The following CALD1 variants were observed in gnomAD, a reference collection of about 807,000 sequenced individuals.
The protein encoded by CALD1 is caldesmon 1, also known as caldesmon.
CALD1 carries 33 observed loss-of-function variants against 99.9 expected under a neutral mutation model. The observed-to-expected ratio is 0.33, with a 90% CI of 0.25 to 0.44. The LOEUF is 0.44. Among genes scored for constraint, CALD1 ranks in the 20% least tolerant of loss-of-function variants. The probability of loss-of-function intolerance (pLI) is 1.00; values close to 1 mark genes in which losing one functional copy is unlikely to be tolerated. For synonymous variants in CALD1, 310 were observed against 325.0 expected (o/e 0.95, Z 0.50); for missense variants, 861 against 962.1 (o/e 0.89, Z 1.39).
At position 134,947,629 on chromosome 7, in the gene CALD1, G is replaced by T; in HGVS notation, c.1654G>T (p.Glu552Ter). The T allele has an allele frequency of 6.4e-7, 1 of 1,569,748 alleles. No individual in the cohort carries two copies. Among genetic ancestry groups the T allele is most frequent in the East Asian group, 2.4e-5 (1 of 42,124 alleles). ...RRGETESEEF[E>*]KLKQKQQEAA... is the part of the protein sequence containing the mutation. The stretch of plus-strand genomic sequence containing the variant: ...CGGGGAGACCGAGAGCGAAGAGTTC[G>T]AGAAGCTCAAACAGAAGCAGCAGGA... Residue 552 changes from glutamate to a stop codon, truncating the protein, a stop_gained, in exon 8 of 15, where the codon GAG becomes TAG. Coordinates refer to ENST00000361675, the MANE Select transcript of CALD1 (RefSeq NM_033138.4). LOFTEE classifies it high-confidence loss of function.
intron 1 of CALD1, among the ~76,000 whole-genome samples, chr7:134,813,392 A>C (rs1453654556): frequency 1.3e-5 from 2 of 152,242 alleles, no homozygotes; most frequent in African/African-American, 4.8e-5. Context: ...TCTAGTAGAA[A>C]GAGATCATTG....
chr7:134,784,360 C>T (rs1330815604), intron 1 of CALD1, among the ~76,000 whole-genome samples: 1 of 152,220 alleles, frequency 6.6e-6, no homozygotes, highest in African/African-American at 2.4e-5. Flanking sequence ...GCTGACTTCA[C>T]CTTGTGCTGA....
At chr7:134,918,509 C>A (rs916363694) in intron 3 of CALD1, among the ~76,000 whole-genome samples, 1 of 152,162 alleles carries the variant, frequency 6.6e-6, no homozygotes, top group Non-Finnish European at 1.5e-5. Flanking sequence ...GGGATGCATA[C>A]CATGCTGGTA....
the CALD1 span, among the ~76,000 whole-genome samples, chr7:134,735,565 CTGTGTGTGTGTGTGTG>C: frequency 1.9e-4 from 23 of 121,336 alleles, no homozygotes; most frequent in African/African-American, 6.2e-4. Context: ...CCACTACCCT[CTGTGTGTGTGTGTGTG>C]TGTGTGTGTG....
chr7:134,941,412 T>C (rs926497078), intron 7 of CALD1, among the ~76,000 whole-genome samples, 175 bp downstream of exon 7: 6 of 152,228 alleles, frequency 3.9e-5, no homozygotes, highest in Admixed American at 1.3e-4. Context: ...GTCCAGTTCT[T>C]ATATCACTAA....
At chr7:134,711,857 T>TG in the CALD1 span, among the ~76,000 whole-genome samples, 60 of 151,298 alleles carry the variant, frequency 4.0e-4, no homozygotes, top group African/African-American at 1.4e-3. Context: ...ATGGAGACAA[T>TG]GAAGGCTCAG....
intron 1 of CALD1, among the ~76,000 whole-genome samples, chr7:134,770,745 G>A (rs1008672485): frequency 4.6e-5 from 7 of 152,164 alleles, no homozygotes; most frequent in African/African-American, 1.7e-4. Context: ...AGGGGGCACT[G>A]CTCAACCCAC....
chr7:134,824,249 G>A (rs904041377), intron 1 of CALD1, among the ~76,000 whole-genome samples: 1 of 152,106 alleles, frequency 6.6e-6, no homozygotes, highest in Non-Finnish European at 1.5e-5. Flanking sequence ...TCAGCTGGGG[G>A]ACTCAAAGGT....
chr7:134,839,909 T>G lies in CALD1; in HGVS notation c.-129-3975T>G, dbSNP rs139571379. Among the ~76,000 whole-genome samples the G allele has an allele frequency of 1.1e-3, 174 of 152,340 alleles. 2 individuals are homozygous for G. Among genetic ancestry groups the G allele is most frequent in the Middle Eastern group, 6.8e-3 (2 of 294 alleles). On this transcript the variant is annotated intron_variant, in intron 1 of 14. Coordinates refer to ENST00000361675, the MANE Select transcript of CALD1 (RefSeq NM_033138.4). ...AATATCCTCTTTTGTGAAATGCCTG[T>G]TGAAATCATTACTCATTTCTCTATT... is the stretch of plus-strand genomic sequence containing the variant.
chr7:134,771,821 A>G (rs1160379620), intron 1 of CALD1, among the ~76,000 whole-genome samples: 1 of 152,130 alleles, frequency 6.6e-6, no homozygotes, highest in Non-Finnish European at 1.5e-5. Flanking sequence ...TCCTTCATGT[A>G]GTCTCACTGC....
chr7:134,854,256 TTTCTAGTTCTAGA>T (rs1800205565), intron 2 of CALD1, among the ~76,000 whole-genome samples: 1 of 152,192 alleles, frequency 6.6e-6, no homozygotes, highest in African/African-American at 2.4e-5. Context: ...TCAAATGGTA[TTTCTAGTTCTAGA>T]TCCTTGAGGA....
chr7:134,821,388 TGTAA>T (rs1798766971), intron 1 of CALD1, among the ~76,000 whole-genome samples: 1 of 152,182 alleles, frequency 6.6e-6, no homozygotes, highest in African/African-American at 2.4e-5. Flanking sequence ...GTTAAATTAT[TGTAA>T]GTAATATTTC....
chr7:134,904,806 G>C (rs1803252050), intron 3 of CALD1, among the ~76,000 whole-genome samples: 1 of 152,082 alleles, frequency 6.6e-6, no homozygotes, highest in Non-Finnish European at 1.5e-5. Flanking sequence ...CAGCCCCAAA[G>C]AAGAACAGAA....
chr7:134,872,350 T>A (rs1801129846), intron 3 of CALD1, among the ~76,000 whole-genome samples: 2 of 125,330 alleles, frequency 1.6e-5, no homozygotes, highest in Admixed American at 9.1e-5. Context: ...GGAGTGAGAC[T>A]CGGTCTCAAA....
intron 8 of CALD1, among the ~76,000 whole-genome samples, chr7:134,950,091 G>A (rs1807220556): frequency 6.6e-6 from 1 of 152,174 alleles, no homozygotes; most frequent in Admixed American, 6.6e-5. Context: ...TAAAAAATGA[G>A]TACTATTGTT....
Position 134,941,054 on chromosome 7 carries a change from T to G in CALD1, c.1387-38T>G, listed in dbSNP as rs754628720. 2.0e-5 allele frequency: 31 copies of G among 1,550,710 alleles called. No individual in the cohort carries two copies. In the African/African-American group the frequency reaches 3.9e-4, roughly 20 times the overall value. On this transcript the variant is annotated intron_variant, in intron 6 of 14. Transcript: ENST00000361675. ...ACCAACCAAAACCTAATAAGATTTTTCTTGTTCTGTTTCTTCCTGATATGT... is the reference window on the plus strand; with the variant it reads ...ACCAACCAAAACCTAATAAGATTTTGCTTGTTCTGTTTCTTCCTGATATGT...
At chr7:134,902,540 CT>C in intron 3 of CALD1, among the ~76,000 whole-genome samples, 1 of 152,070 alleles carries the variant, frequency 6.6e-6, no homozygotes, top group Admixed American at 6.5e-5. Context: ...CCAGCTACCC[CT>C]GGGAGCCTAG....
At chr7:134,755,618 C>G (rs185708857) in intron 1 of CALD1, among the ~76,000 whole-genome samples, 1 of 152,158 alleles carries the variant, frequency 6.6e-6, no homozygotes, top group African/African-American at 2.4e-5. Context: ...TGGCTCCCCC[C>G]GGTGGTGTAC....
At chr7:134,934,822 A>C (rs1315209172) in intron 5 of CALD1, among the ~76,000 whole-genome samples, 1 of 152,182 alleles carries the variant, frequency 6.6e-6, no homozygotes, top group Admixed American at 6.5e-5. Context: ...CAGAGGTTGC[A>C]ATGAGCTGAG....
Sources: allele counts gnomAD v4.1 joint callset (sites outside exome capture counted in the v4.1 genomes callset), GRCh38; gene constraint gnomAD v4.1.1; transcripts MANE v1.5; gene names NCBI Gene and HGNC (gene_info 2026-07-23, HGNC 2026-07-21).